The following PSMB7 variants were observed in gnomAD, a reference collection of about 807,000 sequenced individuals.
The protein encoded by PSMB7 is proteasome subunit beta type-7.
Under a neutral mutation model 28.1 loss-of-function variants are expected in PSMB7, and 5 were observed. That is an observed-to-expected ratio of 0.18 (90% CI 0.09 to 0.37). The LOEUF (loss-of-function observed/expected upper bound fraction) is 0.37, where lower values mean the gene tolerates loss of function less well. Among genes scored for constraint, PSMB7 ranks in the 10% least tolerant of loss-of-function variants. The probability of loss-of-function intolerance (pLI) is 1.00; values close to 1 mark genes in which losing one functional copy is unlikely to be tolerated. For synonymous variants in PSMB7, 122 were observed against 123.7 expected (o/e 0.99, Z 0.09); for missense variants, 275 against 346.2 (o/e 0.79, Z 1.63).
intron 5 of PSMB7, among the ~76,000 whole-genome samples, chr9:124,385,219 G>C (rs1390171184): frequency 6.6e-6 from 1 of 152,214 alleles, no homozygotes; most frequent in Non-Finnish European, 1.5e-5. Flanking sequence ...ACTTTATTAT[G>C]TGGCATTTAT....
At chr9:124,411,533 A>C (rs1291530459) in intron 4 of PSMB7, among the ~76,000 whole-genome samples, 1 of 152,266 alleles carries the variant, frequency 6.6e-6, no homozygotes, top group Non-Finnish European at 1.5e-5. Flanking sequence ...CAAAAGGAGA[A>C]GCCAGTATTC....
At position 124,353,487 on chromosome 9, in the gene PSMB7, G is replaced by T; in HGVS notation, c.*111C>A. 1.1e-6 allele frequency: 1 copy of T among 881,710 alleles called. No individual in the cohort carries two copies. Among genetic ancestry groups the T allele is most frequent in the Non-Finnish European group, 1.8e-6 (1 of 552,412 alleles). 54.6% of individuals were successfully genotyped at this position (881,710 alleles called of 1,614,324 possible). On this transcript the variant is annotated 3_prime_UTR_variant, in exon 8 of 8. Transcript: ENST00000259457. ...ACCTCAGCTGCCCAATTTGGTTTTTGTTTTTTATTGAGTTGAGTTTCATTC... is the reference window on the plus strand; with the variant it reads ...ACCTCAGCTGCCCAATTTGGTTTTTTTTTTTTATTGAGTTGAGTTTCATTC...
intron 5 of PSMB7, among the ~76,000 whole-genome samples, chr9:124,401,944 G>A (rs779014603): frequency 4.6e-5 from 7 of 151,980 alleles, no homozygotes; most frequent in African/African-American, 1.2e-4. Flanking sequence ...ACTTGAACCC[G>A]GGAAGCAGGG....
chr9:124,411,457 G>A (rs1831026628), intron 4 of PSMB7, among the ~76,000 whole-genome samples: 1 of 152,160 alleles, frequency 6.6e-6, no homozygotes, highest in Admixed American at 6.5e-5. Context: ...CTAGGGGCAG[G>A]TATTATGATA....
chr9:124,380,637 G>A (rs1282707180), intron 6 of PSMB7, among the ~76,000 whole-genome samples: 6 of 152,148 alleles, frequency 3.9e-5, no homozygotes, highest in Admixed American at 1.3e-4. Flanking sequence ...TTAAAAAGGT[G>A]AATCAAAGTG....
chr9:124,415,215 C>T lies in PSMB7; in HGVS notation c.62+149G>A, dbSNP rs988452373. 370 of 852,170 alleles carry T rather than the reference C, an allele frequency of 4.3e-4. 2 individuals are homozygous for T. Among genetic ancestry groups the T allele is most frequent in the Middle Eastern group, 3.2e-3 (14 of 4,338 alleles). The allele number at this position is 852,170 out of a possible 1,614,324, so 52.8% of individuals were successfully genotyped here. On this transcript the variant is annotated intron_variant, in intron 1 of 7. Coordinates refer to ENST00000259457, the MANE Select transcript of PSMB7 (RefSeq NM_002799.4). ...GCTTCAGGAGAAACCCACGCCCAGG[C>T]CCTGATTCCCCTGAGTCACACTAGC...
chr9:124,411,346 T>C (rs1279585614), intron 4 of PSMB7, among the ~76,000 whole-genome samples: 1 of 152,230 alleles, frequency 6.6e-6, no homozygotes, highest in African/African-American at 2.4e-5. Flanking sequence ...AAAGGCCATA[T>C]GACCCAAACA....
chr9:124,409,506 TA>T (rs1415157062), intron 4 of PSMB7, among the ~76,000 whole-genome samples: 1 of 152,176 alleles, frequency 6.6e-6, no homozygotes, highest in Non-Finnish European at 1.5e-5. Flanking sequence ...AGTGCTTAAG[TA>T]AGGGAAAAGA....
At position 124,377,563 on chromosome 9, in the gene PSMB7, A is replaced by C. The variant is rs1027517719; in HGVS notation, c.570+7035T>G. Among the ~76,000 whole-genome samples, 28 of 152,362 alleles carry C rather than the reference A, an allele frequency of 1.8e-4. 4 individuals carry two copies. Among genetic ancestry groups the C allele is most frequent in the Admixed American group, 1.0e-3 (16 of 15,308 alleles). On this transcript the variant is annotated intron_variant, in intron 6 of 7. Coordinates refer to ENST00000259457, the MANE Select transcript of PSMB7 (RefSeq NM_002799.4). The stretch of plus-strand genomic sequence containing the variant: ...ATATTGGTATCAACTCTCATTATTT[A>C]AAGTGGATCTATAGCTGCCTGCAAT...
chr9:124,389,283 C>T (rs1830759977), intron 5 of PSMB7, among the ~76,000 whole-genome samples: 1 of 152,180 alleles, frequency 6.6e-6, no homozygotes, highest in Non-Finnish European at 1.5e-5. Context: ...TGGATTTCTG[C>T]ACTATATTAA....
At chr9:124,358,982 A>G (rs1483103803) in intron 6 of PSMB7, among the ~76,000 whole-genome samples, 1 of 152,282 alleles carries the variant, frequency 6.6e-6, no homozygotes, top group Non-Finnish European at 1.5e-5. Flanking sequence ...GTGTCAATCC[A>G]TTCGACTGGG....
intron 5 of PSMB7, 100 bp from the exon 6 acceptor site, chr9:124,384,756 G>T: frequency 9.7e-7 from 1 of 1,033,036 alleles, no homozygotes; most frequent in Non-Finnish European, 1.5e-6. Flanking sequence ...CATGCCCAGT[G>T]TCTCATTCAA....
intron 4 of PSMB7, among the ~76,000 whole-genome samples, chr9:124,407,988 T>C (rs1323223021): frequency 6.6e-6 from 1 of 151,968 alleles, no homozygotes; most frequent in African/African-American, 2.4e-5. Flanking sequence ...CTACAAAAAG[T>C]TTAAAAAAAC....
intron 5 of PSMB7, among the ~76,000 whole-genome samples, chr9:124,385,652 TA>T (rs1315830559): frequency 6.6e-6 from 1 of 152,212 alleles, no homozygotes; most frequent in Non-Finnish European, 1.5e-5. Context: ...ACTATCTATT[TA>T]GCTGGGTCAC....
chr9:124,376,187 C>T (rs925758790), intron 6 of PSMB7, among the ~76,000 whole-genome samples: 1 of 151,912 alleles, frequency 6.6e-6, no homozygotes, highest in Non-Finnish European at 1.5e-5. Context: ...TCATGATTCA[C>T]CTCAAATGGA....
At chr9:124,380,600 A>C (rs1197954170) in intron 6 of PSMB7, among the ~76,000 whole-genome samples, 2 of 152,204 alleles carry the variant, frequency 1.3e-5, no homozygotes, top group Non-Finnish European at 2.9e-5. Flanking sequence ...TTTCAGATAT[A>C]AACTGTATTT....
chr9:124,407,348 GAA>G (rs1345152998), intron 4 of PSMB7, among the ~76,000 whole-genome samples: 1 of 152,102 alleles, frequency 6.6e-6, no homozygotes, highest in African/African-American at 2.4e-5. Context: ...AACTTCCTAG[GAA>G]AAGATTTTAG....
chr9:124,384,740 G>T lies in PSMB7; in HGVS notation c.512-84C>A, dbSNP rs1000442687. 4 of 1,204,630 alleles carry T rather than the reference G, an allele frequency of 3.3e-6. No individual in the cohort carries two copies. In the South Asian group the frequency reaches 3.8e-5, roughly 11 times the overall value. The allele number at this position is 1,204,630 out of a possible 1,614,324, so 74.6% of individuals were successfully genotyped here. On this transcript the variant is annotated intron_variant, in intron 5 of 7. Coordinates refer to ENST00000259457, the MANE Select transcript of PSMB7 (RefSeq NM_002799.4). ...AGTTTACCTAGGGGCAAGAAAAACA[G>T]CAAAACATGCCCAGTGTCTCATTCA...
rs139772161 is a variant in PSMB7, at chr9:124,404,417, A to T, written c.511+900T>A. ...CATCTGTATTACTTTTTTTCTTAGTATCACTTTCTAATACAGGCTGAGTAG... is the reference window on the plus strand; with the variant it reads ...CATCTGTATTACTTTTTTTCTTAGTTTCACTTTCTAATACAGGCTGAGTAG... On this transcript the variant is annotated intron_variant, in intron 5 of 7. Transcript: ENST00000259457. 7.8e-3 allele frequency among the ~76,000 whole-genome samples: 1,192 copies of T among 152,258 alleles called. 8 individuals carry two copies. Among genetic ancestry groups the T allele is most frequent in the Middle Eastern group, 0.014 (4 of 294 alleles).
Sources: allele counts gnomAD v4.1 joint callset (sites outside exome capture counted in the v4.1 genomes callset), GRCh38; gene constraint gnomAD v4.1.1; transcripts MANE v1.5; gene names NCBI Gene and HGNC (gene_info 2026-07-23, HGNC 2026-07-21).